CRTAC1: variants seen among roughly 807,000 people sequenced by gnomAD.
The protein encoded by CRTAC1 is cartilage acidic protein 1, also known as acidic secreted protein in cartilage.
A neutral mutation model predicts 67.8 loss-of-function variants in CRTAC1; 37 were observed. That is an observed-to-expected ratio of 0.55 (90% CI 0.42 to 0.72). The LOEUF (loss-of-function observed/expected upper bound fraction) is 0.72. Ranked by LOEUF, CRTAC1 falls within the 30% of genes least tolerant of loss-of-function variation. The pLI, the probability that CRTAC1 is intolerant of heterozygous loss-of-function variation, is 0.00. For missense variants in CRTAC1, 780 were observed against 931.6 expected (o/e 0.84, Z 2.12); for synonymous variants, 348 against 371.0 (o/e 0.94, Z 0.71).
At chr10:97,877,294 C>T (rs1176771217) in intron 14 of CRTAC1, among the ~76,000 whole-genome samples, 1 of 152,224 alleles carries the variant, frequency 6.6e-6, no homozygotes, top group Non-Finnish European at 1.5e-5. Flanking sequence ...CTCTATCTGG[C>T]TGGAGGGAAG....
At chr10:98,001,173 G>A (rs890366882) in intron 2 of CRTAC1, among the ~76,000 whole-genome samples, 33 of 151,988 alleles carry the variant, frequency 2.2e-4, no homozygotes, top group African/African-American at 7.3e-4. Context: ...AACAAAAATC[G>A]ACAGAATTAC....
intron 2 of CRTAC1, among the ~76,000 whole-genome samples, chr10:97,977,237 G>A (rs1435656580): frequency 1.3e-5 from 2 of 152,288 alleles, no homozygotes; most frequent in East Asian, 3.9e-4. Flanking sequence ...TTTGTGACAG[G>A]TTCTGTAAGT....
At chr10:98,023,347 G>A (rs1233068470) in intron 1 of CRTAC1, among the ~76,000 whole-genome samples, 2 of 152,112 alleles carry the variant, frequency 1.3e-5, no homozygotes, top group Non-Finnish European at 2.9e-5. Context: ...AGATCAAATC[G>A]AATACCAAGG....
At chr10:98,014,760 C>T (rs1415061695) in intron 1 of CRTAC1, among the ~76,000 whole-genome samples, 1 of 152,106 alleles carries the variant, frequency 6.6e-6, no homozygotes, top group African/African-American at 2.4e-5. Context: ...CATTTCACAC[C>T]CATTAGGATG....
At chr10:97,911,160 C>A (rs575774029) in intron 5 of CRTAC1, among the ~76,000 whole-genome samples, 12 of 152,208 alleles carry the variant, frequency 7.9e-5, no homozygotes, top group African/African-American at 2.9e-4. Flanking sequence ...CAGCCCTGCC[C>A]GGGCCCCTGG....
intron 3 of CRTAC1, among the ~76,000 whole-genome samples, chr10:97,926,182 G>A (rs778356299): frequency 6.6e-6 from 1 of 152,172 alleles, no homozygotes; most frequent in Non-Finnish European, 1.5e-5. Context: ...AGCCCAGAAG[G>A]GACCTGCGCT....
chr10:97,979,443 TG>T (rs1452928983), intron 2 of CRTAC1, among the ~76,000 whole-genome samples: 2 of 152,230 alleles, frequency 1.3e-5, no homozygotes, highest in Non-Finnish European at 2.9e-5. Context: ...CATCAGGCTT[TG>T]GTGTCCCATC....
At chr10:97,972,090 C>T (rs903879488) in intron 2 of CRTAC1, among the ~76,000 whole-genome samples, 1 of 152,208 alleles carries the variant, frequency 6.6e-6, no homozygotes. Flanking sequence ...ATCACACTTA[C>T]ACTGGGAGCC....
Position 97,865,345 on chromosome 10 carries a change from G to A in CRTAC1, c.*203C>T. 2 of 556,006 alleles carry A rather than the reference G, an allele frequency of 3.6e-6. No homozygotes were observed. Among genetic ancestry groups the A allele is most frequent in the Non-Finnish European group, 5.9e-6 (2 of 338,180 alleles). 34.4% of individuals were successfully genotyped at this position (556,006 alleles called of 1,614,324 possible). On this transcript the variant is annotated 3_prime_UTR_variant, in exon 15 of 15. Coordinates refer to ENST00000370597, the MANE Select transcript of CRTAC1 (RefSeq NM_018058.7). ...TAAGCGCCATCAGGGCAGCGACCCT[G>A]TCTGCTGTGATCACAGCTATGTGCC...
At chr10:97,984,686 G>A (rs1218901518) in intron 2 of CRTAC1, among the ~76,000 whole-genome samples, 2 of 152,196 alleles carry the variant, frequency 1.3e-5, no homozygotes, top group African/African-American at 2.4e-5. Flanking sequence ...CAGCACCACT[G>A]AACCAGGTAC....
chr10:97,880,709 A>C (rs548107012), intron 13 of CRTAC1, among the ~76,000 whole-genome samples: 1 of 152,160 alleles, frequency 6.6e-6, no homozygotes, highest in Non-Finnish European at 1.5e-5. Context: ...AGACTCACGA[A>C]TACAATAACC....
intron 8 of CRTAC1, among the ~76,000 whole-genome samples, chr10:97,897,380 A>C (rs181112955): frequency 6.6e-6 from 1 of 152,190 alleles, no homozygotes; most frequent in Admixed American, 6.5e-5. Flanking sequence ...TACCTCCTCC[A>C]TGCCCTCTTG....
chr10:97,892,119 T>G (rs189614724), intron 11 of CRTAC1, among the ~76,000 whole-genome samples: 1 of 152,232 alleles, frequency 6.6e-6, no homozygotes, highest in Non-Finnish European at 1.5e-5. Flanking sequence ...GGGGAGTAGG[T>G]GCCCAGAAGG....
At chr10:97,989,713 A>G (rs115885879) in intron 2 of CRTAC1, among the ~76,000 whole-genome samples, 1,865 of 152,322 alleles carry the variant, frequency 0.012, 45 homozygotes, top group African/African-American at 0.041. Context: ...AGTGCTATGA[A>G]GTAGGCTATT....
At chr10:98,006,059 G>A (rs561111) in intron 2 of CRTAC1, among the ~76,000 whole-genome samples, 52,695 of 151,986 alleles carry the variant, frequency 0.35, 9,837 homozygotes, top group African/African-American at 0.48. Context: ...AACCACTACA[G>A]TCTTTCCATT....
intron 13 of CRTAC1, among the ~76,000 whole-genome samples, chr10:97,882,051 TA>T (rs1396960873): frequency 6.6e-6 from 1 of 152,204 alleles, no homozygotes; most frequent in Non-Finnish European, 1.5e-5. Context: ...CTGAGAGTGG[TA>T]TCTGTCTTGT....
At position 97,917,499 on chromosome 10, in the gene CRTAC1, C is replaced by T. The variant is rs894284279; in HGVS notation, c.715+1G>A. 2 of 1,564,488 alleles carry T rather than the reference C, an allele frequency of 1.3e-6. No homozygotes were observed. Among genetic ancestry groups the T allele is most frequent in the Admixed American group, 3.5e-5 (2 of 57,120 alleles). On this transcript the variant is annotated splice_donor_variant, in intron 5 of 14. Coordinates refer to ENST00000370597, the MANE Select transcript of CRTAC1 (RefSeq NM_018058.7). LOFTEE classifies it high-confidence loss of function. ...ACTACCTCCCATGTCACTCTGCATA[C>T]CTGTATATTTGCTGACCCCAGCCTC... is the stretch of plus-strand genomic sequence containing the variant.
chr10:98,008,502 G>A (rs1191459300), intron 2 of CRTAC1, among the ~76,000 whole-genome samples: 1 of 151,994 alleles, frequency 6.6e-6, no homozygotes, highest in Non-Finnish European at 1.5e-5. Context: ...GAGAAGCAGA[G>A]TTGGCTGCTC....
intron 2 of CRTAC1, among the ~76,000 whole-genome samples, chr10:97,960,180 G>A (rs2051504163): frequency 6.6e-6 from 1 of 152,248 alleles, no homozygotes; most frequent in Non-Finnish European, 1.5e-5. Flanking sequence ...AGGTCTTTCT[G>A]GGGATAGCGG....
Sources: gnomAD v4.1 joint callset for allele counts (sites outside exome capture counted in the v4.1 genomes callset) on GRCh38, gnomAD v4.1.1 for gene constraint, MANE v1.5 for transcripts, NCBI Gene and HGNC (gene_info 2026-07-23, HGNC 2026-07-21) for gene names.